NUGGC: variants seen among roughly 807,000 people sequenced by gnomAD.
NUGGC encodes the protein nuclear GTPase, germinal center associated.
A neutral mutation model predicts 92.6 loss-of-function variants in NUGGC; 58 were observed. That is an observed-to-expected ratio of 0.63 (90% CI 0.51 to 0.78). The LOEUF is 0.78. Ranked by LOEUF, NUGGC falls within the 30% of genes least tolerant of loss-of-function variation. NUGGC has a pLI of 0.00. For missense variants in NUGGC, 925 were observed against 964.6 expected (o/e 0.96, Z 0.54); for synonymous variants, 376 against 366.4 (o/e 1.03, Z -0.30).
chr8:28,070,090 C>T (rs1810548278), intron 3 of NUGGC, 162 bp downstream of exon 3: 1 of 985,162 alleles, frequency 1.0e-6, no homozygotes. Flanking sequence ...GACAAATTGC[C>T]TAACTGCATA....
Position 28,023,069 on chromosome 8 carries a change from C to CAAA in NUGGC, c.*245_*247dup, listed in dbSNP as rs34532311. 64 of 227,130 alleles carry CAAA rather than the reference C, an allele frequency of 2.8e-4. No homozygotes were observed. The highest frequency in any genetic ancestry group is 1.1e-3 in the African/African-American group (36 of 31,574). 14.1% of individuals were successfully genotyped at this position (227,130 alleles called of 1,614,324 possible). A position where few individuals can be genotyped will look rare whatever the true frequency, so the allele number is the denominator to read the frequency against. ...TGGGTGACACAGCGAGACTCTGTCT[C>CAAA]AAAAAAAAAAAAAAAAAAATTACCC... On this transcript the variant is annotated 3_prime_UTR_variant, in exon 19 of 19. Coordinates refer to ENST00000413272, the MANE Select transcript of NUGGC (RefSeq NM_001010906.2).
chr8:28,067,586 A>G lies in NUGGC; in HGVS notation c.639T>C (p.Tyr213=), dbSNP rs772823907. Residue 213 remains tyrosine, a synonymous_variant, in exon 6 of 19, where the codon TAT becomes TAC. Transcript: ENST00000413272. ...TGGGCTTCGCCCTCAGTAACTCCTCATAGTTCTTACTCTCTGCCCCATTTC... is the reference window on the plus strand; with the variant it reads ...TGGGCTTCGCCCTCAGTAACTCCTCGTAGTTCTTACTCTCTGCCCCATTTC... ...IYGNGAESKN[Y]EELLRAKPKR... The G allele has an allele frequency of 6.2e-6, 10 of 1,613,618 alleles. No homozygotes were observed. Among genetic ancestry groups the G allele is most frequent in the Non-Finnish European group, 7.6e-6 (9 of 1,179,752 alleles).
intron 1 of NUGGC, among the ~76,000 whole-genome samples, chr8:28,078,358 C>G (rs1297471142): frequency 6.6e-6 from 1 of 152,086 alleles, no homozygotes; most frequent in African/African-American, 2.4e-5. Flanking sequence ...AAAATAAACA[C>G]CAAGTACATA....
intron 1 of NUGGC, among the ~76,000 whole-genome samples, chr8:28,074,726 G>A (rs990433215): frequency 5.9e-5 from 9 of 152,180 alleles, no homozygotes; most frequent in Non-Finnish European, 1.0e-4. Context: ...ATCACTTGAG[G>A]TCAGGAGTTC....
intron 13 of NUGGC, among the ~76,000 whole-genome samples, chr8:28,038,710 T>G (rs1809617431): frequency 6.6e-6 from 1 of 152,210 alleles, no homozygotes; most frequent in South Asian, 2.1e-4. Context: ...ACTATATAAC[T>G]GGTTGGCAAA....
At chr8:28,036,075 A>G (rs573514098) in intron 13 of NUGGC, among the ~76,000 whole-genome samples, 148 of 151,686 alleles carry the variant, frequency 9.8e-4, no homozygotes, top group African/African-American at 3.4e-3. Flanking sequence ...GGTTCTTGCT[A>G]TGTTGCCTGG....
chr8:28,056,230 G>C (rs1362479621), intron 9 of NUGGC, among the ~76,000 whole-genome samples, 176 bp from the exon 10 acceptor site: 2 of 152,108 alleles, frequency 1.3e-5, no homozygotes, highest in African/African-American at 2.4e-5. Flanking sequence ...TGTAATCCTA[G>C]CCCGTTGGGA....
rs192492038 is a variant in NUGGC at position 28,023,057 on chromosome 8, G to C, written c.*260C>G. On this transcript the variant is annotated 3_prime_UTR_variant, in exon 19 of 19. Transcript: ENST00000413272. ...TGCATTCCAGCCTGGGTGACACAGC[G>C]AGACTCTGTCTCAAAAAAAAAAAAA... 5.3e-4 allele frequency: 159 copies of C among 298,038 alleles called. 1 individual carries two copies. The East Asian group carries it at 7.0e-3, about 13-fold the overall frequency. The allele number at this position is 298,038 out of a possible 1,614,324, so 18.5% of individuals were successfully genotyped here.
intron 1 of NUGGC, among the ~76,000 whole-genome samples, chr8:28,080,527 G>T (rs1411307218): frequency 6.6e-6 from 1 of 151,976 alleles, no homozygotes; most frequent in Non-Finnish European, 1.5e-5. Flanking sequence ...GGGCATTTTG[G>T]TCATTAACAT....
intron 12 of NUGGC, among the ~76,000 whole-genome samples, chr8:28,041,581 C>T (rs955625032): frequency 1.1e-4 from 16 of 152,328 alleles, no homozygotes; most frequent in Non-Finnish European, 1.9e-4. Flanking sequence ...ATTCAACAAA[C>T]ATTTCACGGG....
In NUGGC at chr8:28,041,223, C is replaced by T; in HGVS notation, c.1447-8G>A. ...CATGTGCAAGTGTTCATTCTAGGGA[C>T]AAGGACCATAAAAGAATCAGGCCAC... On this transcript the variant is annotated splice_polypyrimidine_tract_variant and splice_region_variant and intron_variant, in intron 12 of 18. Transcript: ENST00000413272. 1.2e-6 allele frequency: 2 copies of T among 1,605,886 alleles called. No homozygotes were observed. The highest frequency in any genetic ancestry group is 1.7e-6 in the Non-Finnish European group (2 of 1,175,902).
chr8:28,040,909 T>C, intron 13 of NUGGC, 142 bp downstream of exon 13: 1 of 751,708 alleles, frequency 1.3e-6, no homozygotes, highest in Non-Finnish European at 2.1e-6. Flanking sequence ...CCTCCCAAAG[T>C]GCTGGGATTA....
chr8:28,030,317 A>G lies in NUGGC; in HGVS notation c.2010T>C (p.Cys670=). 1 of 1,549,840 alleles carries G rather than the reference A, an allele frequency of 6.5e-7. No homozygotes were observed. Among genetic ancestry groups the G allele is most frequent in the Non-Finnish European group, 8.8e-7 (1 of 1,137,896 alleles). ...TASVQSDLKL[C]YEEAAQITGK... ...GTCCTCCGCAGCCCCCACCTTCGTA[A>G]CAGAGCTTCAGGTCACTCTGGACAG... is the stretch of plus-strand genomic sequence containing the variant. The change falls in exon 16 of 19, where the codon TGT becomes TGC. Residue 670 remains cysteine, a synonymous_variant. Coordinates refer to ENST00000413272, the MANE Select transcript of NUGGC (RefSeq NM_001010906.2).
At chr8:28,024,629 AT>A (rs2130050741) in intron 18 of NUGGC, among the ~76,000 whole-genome samples, 1 of 152,202 alleles carries the variant, frequency 6.6e-6, no homozygotes, top group Non-Finnish European at 1.5e-5. Context: ...TGCCTTTCTA[AT>A]CCCCCTTGGC....
At chr8:28,047,845 A>C (rs1809880324) in intron 10 of NUGGC, among the ~76,000 whole-genome samples, 2 of 152,248 alleles carry the variant, frequency 1.3e-5, no homozygotes, top group African/African-American at 4.8e-5. Context: ...CTTGGGAGTT[A>C]ATATCAATTC....
At chr8:28,082,852 G>C (rs1810884178) in intron 1 of NUGGC, among the ~76,000 whole-genome samples, 1 of 152,126 alleles carries the variant, frequency 6.6e-6, no homozygotes, top group East Asian at 1.9e-4. Flanking sequence ...ATTACAGTGA[G>C]CCATGTTCAT....
intron 12 of NUGGC, among the ~76,000 whole-genome samples, chr8:28,041,607 AAGG>A (rs2130124365): frequency 6.6e-6 from 1 of 152,338 alleles, no homozygotes; most frequent in Non-Finnish European, 1.5e-5. Context: ...ACTCTGCACG[AAGG>A]AGTTTTTAAG....
chr8:28,058,343 C>A, intron 8 of NUGGC, 67 bp from the exon 9 acceptor site: 1 of 322,356 alleles, frequency 3.1e-6, no homozygotes, highest in Non-Finnish European at 5.8e-6. Context: ...AGTCTTTCGA[C>A]TTTCCCCAAA....
chr8:28,031,308 T>C lies in NUGGC; in HGVS notation c.1843A>G (p.Thr615Ala). The C allele has an allele frequency of 6.2e-7, 1 of 1,614,002 alleles. No individual in the cohort carries two copies. Among genetic ancestry groups the C allele is most frequent in the East Asian group, 2.2e-5 (1 of 44,888 alleles). The change falls in exon 15 of 19, where the codon ACA becomes GCA. Residue 615 changes from threonine to alanine, a missense_variant. By Grantham distance (58) the Thr-to-Ala change is moderately conservative. Transcript: ENST00000413272. Reference protein sequence around the residue: ...AFKQSLQEKMTEIGIRSGWKY... With the variant: ...AFKQSLQEKMAEIGIRSGWKY... ...CAGCCACTTCTTATCCCAATTTCTGTCATTTTCTCCTGCAGGGACTGCTTA... is the reference window on the plus strand; with the variant it reads ...CAGCCACTTCTTATCCCAATTTCTGCCATTTTCTCCTGCAGGGACTGCTTA...
Sources: gnomAD v4.1 joint callset for allele counts (sites outside exome capture counted in the v4.1 genomes callset) on GRCh38, gnomAD v4.1.1 for gene constraint, MANE v1.5 for transcripts, NCBI Gene and HGNC (gene_info 2026-07-23, HGNC 2026-07-21) for gene names.